Variants in DNAAF19 observed in about 807,000 individuals in gnomAD.
DNAAF19 encodes coiled-coil domain containing 103.
chr17:44,903,651 C>G, the DNAAF19 span: 2 of 1,433,022 alleles, frequency 1.4e-6, no homozygotes, highest in African/African-American at 2.9e-5. Flanking sequence ...TCTTGTACAT[C>G]CACTGGGAAT....
the DNAAF19 span, chr17:44,904,919 C>T: frequency 3.9e-6 from 6 of 1,550,480 alleles, no homozygotes; most frequent in Admixed American, 2.0e-5. Flanking sequence ...ATCTCATGGG[C>T]ACTACCCAGC....
chr17:44,903,173 CA>C, the DNAAF19 span: 72 of 1,266,678 alleles, frequency 5.7e-5, no homozygotes, highest in Non-Finnish European at 6.9e-5. Flanking sequence ...AGGGAAAAAG[CA>C]AAATCTTTAT....
chr17:44,901,512 G>T, the DNAAF19 span: 1 of 1,613,912 alleles, frequency 6.2e-7, no homozygotes, highest in Non-Finnish European at 8.5e-7. Flanking sequence ...TCTGTCCTTT[G>T]CCTACAGGGG....
At chr17:44,900,338 A>C in the DNAAF19 span, among the ~76,000 whole-genome samples, 3 of 151,904 alleles carry the variant, frequency 2.0e-5, no homozygotes, top group Admixed American at 6.6e-5. Flanking sequence ...TCAGCCTCAG[A>C]TATGCAGAAA....
chr17:44,902,308 A>G, the DNAAF19 span: 1 of 1,608,892 alleles, frequency 6.2e-7, no homozygotes, highest in Non-Finnish European at 8.5e-7. Flanking sequence ...CCTCCCTGTC[A>G]CTGTTGCAGA....
At chr17:44,902,946 G>C in the DNAAF19 span, 1 of 1,433,680 alleles carries the variant, frequency 7.0e-7, no homozygotes, top group African/African-American at 1.4e-5. Flanking sequence ...AATTTTCAGA[G>C]CAAAAACAGG....
chr17:44,902,386 G>T, the DNAAF19 span: 8 of 1,614,066 alleles, frequency 5.0e-6, no homozygotes, highest in African/African-American at 1.1e-4. Context: ...CCTCCAGCCC[G>T]AGACGTCTGC....
the DNAAF19 span, chr17:44,901,498 A>G: frequency 3.1e-6 from 5 of 1,613,838 alleles, no homozygotes; most frequent in South Asian, 5.5e-5. Flanking sequence ...TCCATTGCCT[A>G]ATTTCTGTCC....
the DNAAF19 span, chr17:44,904,688 A>G: frequency 1.3e-6 from 2 of 1,550,512 alleles, no homozygotes; most frequent in South Asian, 1.2e-5. Context: ...TGGACTCATC[A>G]TCTCCTGTCC....
the DNAAF19 span, chr17:44,902,770 G>T: frequency 6.3e-7 from 1 of 1,591,702 alleles, no homozygotes; most frequent in Non-Finnish European, 8.6e-7. Flanking sequence ...GCTCCAGGAG[G>T]AGGAGAGGCT....
the DNAAF19 span, chr17:44,902,655 G>A: frequency 3.7e-6 from 6 of 1,614,216 alleles, no homozygotes; most frequent in Admixed American, 8.3e-5. Context: ...CAGAGAGAGA[G>A]AGCTGCAAGG....
the DNAAF19 span, chr17:44,904,566 C>T: frequency 1.9e-6 from 3 of 1,550,590 alleles, no homozygotes; most frequent in African/African-American, 4.1e-5. Flanking sequence ...TGTGAGAAGA[C>T]AAAGACCATC....
the DNAAF19 span, among the ~76,000 whole-genome samples, chr17:44,900,489 G>A: frequency 6.6e-5 from 10 of 152,006 alleles, no homozygotes; most frequent in East Asian, 1.2e-3. Flanking sequence ...TTCCTGCTCA[G>A]TCATTGCATC....
chr17:44,902,327 A>G, the DNAAF19 span: 3 of 1,613,914 alleles, frequency 1.9e-6, no homozygotes, highest in East Asian at 2.2e-5. Flanking sequence ...GAACAGCTGG[A>G]AGAGCTCCTG....
At chr17:44,902,419 C>A in the DNAAF19 span, 2 of 1,614,102 alleles carry the variant, frequency 1.2e-6, no homozygotes, top group African/African-American at 2.7e-5. Context: ...TGATTGGCGA[C>A]GACACTTGCC....
chr17:44,901,447 G>A, the DNAAF19 span: 1 of 1,552,106 alleles, frequency 6.4e-7, no homozygotes, highest in South Asian at 1.2e-5. Context: ...CCTATACCAT[G>A]CAAAGTCTAG....
the DNAAF19 span, chr17:44,905,374 A>C: frequency 2.7e-6 from 1 of 366,524 alleles, no homozygotes; most frequent in East Asian, 5.9e-5. Flanking sequence ...GTAAACACTG[A>C]TCAGTGTTGA....
At chr17:44,902,763 C>T in the DNAAF19 span, 2 of 1,597,160 alleles carry the variant, frequency 1.3e-6, no homozygotes, top group Non-Finnish European at 1.7e-6. Context: ...CTGGTGGGCT[C>T]CAGGAGGAGG....
the DNAAF19 span, chr17:44,902,809 G>A: frequency 6.5e-7 from 1 of 1,547,506 alleles, no homozygotes; most frequent in African/African-American, 1.4e-5. Flanking sequence ...GCTGTACCAG[G>A]TTGACTGATG....
Sources: gnomAD v4.1 joint callset for allele counts (sites outside exome capture counted in the v4.1 genomes callset) on GRCh38, gnomAD v4.1.1 for gene constraint, MANE v1.5 for transcripts, NCBI Gene and HGNC (gene_info 2026-07-23, HGNC 2026-07-21) for gene names.